The following TNIK variants were observed in gnomAD, a reference collection of about 807,000 sequenced individuals.
TNIK encodes the protein TRAF2 and NCK interacting kinase.
In TNIK, 49 loss-of-function variants were observed where a neutral mutation model predicts 191.3. The ratio of observed to expected loss-of-function variants is 0.26; its 90% CI spans 0.20 to 0.32. TNIK has a LOEUF of 0.32. Ranked by LOEUF, TNIK falls within the 10% of genes least tolerant of loss-of-function variation. The probability of loss-of-function intolerance (pLI) is 1.00; values close to 1 mark genes in which losing one functional copy is unlikely to be tolerated. For synonymous variants in TNIK, 594 were observed against 600.9 expected, an observed-to-expected ratio of 0.99 and a Z score of 0.17; for missense variants, 1,155 against 1,702.3, an observed-to-expected ratio of 0.68 and a Z score of 5.66.
chr3:171,287,670 AATTTC>A (rs1215809995), intron 2 of TNIK, among the ~76,000 whole-genome samples: 1 of 152,202 alleles, frequency 6.6e-6, no homozygotes, highest in Non-Finnish European at 1.5e-5. Context: ...TAAGGTCTTG[AATTTC>A]ATTTAGTATT....
chr3:171,069,624 T>C (rs1718928823), intron 29 of TNIK, among the ~76,000 whole-genome samples: 1 of 152,222 alleles, frequency 6.6e-6, no homozygotes, highest in Non-Finnish European at 1.5e-5. Flanking sequence ...TGGGTTTAAC[T>C]AGAAAGCAAA....
intron 12 of TNIK, among the ~76,000 whole-genome samples, chr3:171,155,350 T>C (rs1733027103): frequency 6.6e-6 from 1 of 152,220 alleles, no homozygotes; most frequent in Non-Finnish European, 1.5e-5. Flanking sequence ...TACAGCTCTC[T>C]GAGTACTTAG....
intron 2 of TNIK, among the ~76,000 whole-genome samples, chr3:171,333,584 G>GAAAAAAAAAAA (rs562856294): frequency 5.3e-5 from 6 of 114,244 alleles, no homozygotes; most frequent in South Asian, 3.1e-4. Context: ...CAAAAAGAAA[G>GAAAAAAAAAAA]AAAAAAAAAA....
chr3:171,222,764 A>G (rs1017642251), intron 3 of TNIK, among the ~76,000 whole-genome samples: 12 of 152,156 alleles, frequency 7.9e-5, no homozygotes, highest in African/African-American at 2.7e-4. Flanking sequence ...GAAATTCAGT[A>G]AGACAGAAAT....
At chr3:171,288,366 C>A (rs1232639999) in intron 2 of TNIK, among the ~76,000 whole-genome samples, 1 of 147,840 alleles carries the variant, frequency 6.8e-6, no homozygotes. Context: ...ATCAGTTGAA[C>A]AATCAATTAA....
chr3:171,387,137 A>G (rs1287644915), intron 1 of TNIK, among the ~76,000 whole-genome samples: 3 of 152,194 alleles, frequency 2.0e-5, no homozygotes, highest in African/African-American at 7.2e-5. Flanking sequence ...AAATAATTTA[A>G]TCATTAAGAG....
intron 2 of TNIK, among the ~76,000 whole-genome samples, chr3:171,299,070 G>A (rs1369303415): frequency 7.9e-5 from 12 of 152,142 alleles, no homozygotes; most frequent in Admixed American, 7.2e-4. Context: ...GCCTTGTGGG[G>A]AGCTCCTGTG....
At chr3:171,104,109 CAT>C (rs1724204806) in intron 21 of TNIK, among the ~76,000 whole-genome samples, 1 of 152,084 alleles carries the variant, frequency 6.6e-6, no homozygotes, top group Non-Finnish European at 1.5e-5. Context: ...GGAGGCGAGA[CAT>C]ATACCAGAAT....
intron 1 of TNIK, among the ~76,000 whole-genome samples, chr3:171,433,978 C>T (rs779418197): frequency 1.8e-5 from 2 of 113,598 alleles, no homozygotes; most frequent in Non-Finnish European, 3.3e-5. Flanking sequence ...CAGAGTCTCA[C>T]TCTGACACCC....
chr3:171,288,341 T>C (rs1454190033), intron 2 of TNIK, among the ~76,000 whole-genome samples: 1 of 131,666 alleles, frequency 7.6e-6, no homozygotes, highest in South Asian at 2.3e-4. Context: ...AAAAAGAAAA[T>C]ATTTGGGTGG....
intron 12 of TNIK, among the ~76,000 whole-genome samples, chr3:171,147,816 A>G (rs1731840959): frequency 6.6e-6 from 1 of 152,138 alleles, no homozygotes; most frequent in Non-Finnish European, 1.5e-5. Flanking sequence ...TCGGTTGGTA[A>G]GTGCGAGGCC....
chr3:171,231,445 G>A (rs1743631653), intron 2 of TNIK, among the ~76,000 whole-genome samples: 1 of 152,040 alleles, frequency 6.6e-6, no homozygotes, highest in Non-Finnish European at 1.5e-5. Context: ...GGGTCTGACA[G>A]CTAACTGAAA....
chr3:171,401,932 A>T (rs1364299262), intron 1 of TNIK, among the ~76,000 whole-genome samples: 2 of 152,252 alleles, frequency 1.3e-5, no homozygotes, highest in East Asian at 3.8e-4. Context: ...TCTGGAACCA[A>T]GCAAAGTGAT....
chr3:171,339,084 T>C (rs1043822785), intron 2 of TNIK, among the ~76,000 whole-genome samples: 6 of 152,336 alleles, frequency 3.9e-5, no homozygotes, highest in African/African-American at 1.2e-4. Context: ...ATATAATACA[T>C]GCTAGTCAGA....
At chr3:171,163,219 G>T (rs1396146776) in intron 10 of TNIK, among the ~76,000 whole-genome samples, 2 of 152,230 alleles carry the variant, frequency 1.3e-5, no homozygotes, top group Non-Finnish European at 2.9e-5. Flanking sequence ...TAAATGCCAT[G>T]CTGAGAACTT....
At chr3:171,367,482 G>T (rs946098286) in intron 2 of TNIK, among the ~76,000 whole-genome samples, 51 of 151,360 alleles carry the variant, frequency 3.4e-4, no homozygotes, top group African/African-American at 1.2e-3. Context: ...TTGGGGGGGG[G>T]GGGAGGGGAC....
At chr3:171,089,216 T>A (rs1032662119) in intron 23 of TNIK, among the ~76,000 whole-genome samples, 1 of 152,152 alleles carries the variant, frequency 6.6e-6, no homozygotes, top group African/African-American at 2.4e-5. Context: ...GAGAGGAACA[T>A]TTTCTGGATT....
intron 2 of TNIK, among the ~76,000 whole-genome samples, chr3:171,329,558 T>A (rs1756185510): frequency 6.6e-6 from 1 of 152,184 alleles, no homozygotes; most frequent in South Asian, 2.1e-4. Flanking sequence ...GTGAAAATGA[T>A]ACATGAAAAA....
At chr3:171,202,115 G>A (rs1739485318) in intron 4 of TNIK, among the ~76,000 whole-genome samples, 1 of 152,268 alleles carries the variant, frequency 6.6e-6, no homozygotes, top group Admixed American at 6.5e-5. Context: ...CAGTACGATA[G>A]CATTTAAAGA....
Sources: gnomAD v4.1 joint callset for allele counts (sites outside exome capture counted in the v4.1 genomes callset) on GRCh38, gnomAD v4.1.1 for gene constraint, MANE v1.5 for transcripts, NCBI Gene and HGNC (gene_info 2026-07-23, HGNC 2026-07-21) for gene names.